Variants in GSTCD observed in about 807,000 individuals in gnomAD.
GSTCD encodes glutathione S-transferase C-terminal domain containing.
A neutral mutation model predicts 68.3 loss-of-function variants in GSTCD; 44 were observed. The observed-to-expected ratio is 0.64, with a 90% CI of 0.51 to 0.83. GSTCD has a LOEUF of 0.83. GSTCD is among the 40% of genes least tolerant of loss of function. GSTCD has a pLI of 0.00. For synonymous variants in GSTCD, 273 were observed against 255.2 expected (o/e 1.07, Z -0.67); for missense variants, 739 against 735.9 (o/e 1.00, Z -0.05).
At chr4:105,773,085 G>A (rs1734918644) in intron 5 of GSTCD, among the ~76,000 whole-genome samples, 1 of 152,110 alleles carries the variant, frequency 6.6e-6, no homozygotes, top group Non-Finnish European at 1.5e-5. Context: ...TTTAGTCCTG[G>A]GAAGGTGTAT....
chr4:105,828,155 A>C (rs2544415), intron 8 of GSTCD, among the ~76,000 whole-genome samples: 2,145 of 152,320 alleles, frequency 0.014, 28 homozygotes, highest in Non-Finnish European at 0.024. Context: ...TCTGTTCATC[A>C]ACATGTATAT....
chr4:105,842,180 T>C (rs780657240), intron 11 of GSTCD, 46 bp downstream of exon 11: 1 of 1,450,390 alleles, frequency 6.9e-7, no homozygotes, highest in Non-Finnish European at 9.7e-7. Flanking sequence ...ATGCACAATA[T>C]GACTGGGAAT....
intron 5 of GSTCD, among the ~76,000 whole-genome samples, chr4:105,793,386 T>G (rs1314000898): frequency 2.0e-5 from 3 of 151,512 alleles, no homozygotes; most frequent in South Asian, 2.1e-4. Flanking sequence ...GCTAATTTTT[T>G]GGGGTGTGAT....
intron 5 of GSTCD, among the ~76,000 whole-genome samples, chr4:105,791,767 G>A (rs1735684441): frequency 7.3e-6 from 1 of 137,210 alleles, no homozygotes; most frequent in Non-Finnish European, 1.6e-5. Flanking sequence ...TAAAACTTTT[G>A]TTGAATGATT....
intron 5 of GSTCD, among the ~76,000 whole-genome samples, chr4:105,808,007 C>T (rs939969887): frequency 1.3e-5 from 2 of 152,052 alleles, no homozygotes; most frequent in African/African-American, 4.8e-5. Flanking sequence ...TCTCTTGATC[C>T]TATGATAATC....
intron 5 of GSTCD, among the ~76,000 whole-genome samples, chr4:105,785,010 CTGCTTT>C (rs1735411144): frequency 6.6e-6 from 1 of 152,220 alleles, no homozygotes; most frequent in African/African-American, 2.4e-5. Context: ...TGGTATGCTA[CTGCTTT>C]TAGGCCTTCT....
chr4:105,747,857 T>A (rs1383357727), intron 5 of GSTCD, among the ~76,000 whole-genome samples: 1 of 148,010 alleles, frequency 6.8e-6, no homozygotes, highest in Non-Finnish European at 1.5e-5. Flanking sequence ...TCTTAACTTT[T>A]AAAAAATTCT....
chr4:105,825,764 A>C lies in GSTCD; in HGVS notation c.1494A>C (p.Ala498=). The change falls in exon 8 of 12, where the codon GCA becomes GCC. Residue 498 remains alanine, a synonymous_variant. Coordinates refer to ENST00000515279, the MANE Select transcript of GSTCD (RefSeq NM_001370181.1). The stretch of plus-strand genomic sequence containing the variant: ...TAAGCAACATTTGGTTCATTCAAGC[A>C]AATATGGAATATTTTACTGGGATGT... ...LGLSNIWFIQ[A]NMEYFTGMFN... The C allele has an allele frequency of 1.3e-6, 2 of 1,547,942 alleles. No individual in the cohort carries two copies. The highest frequency in any genetic ancestry group is 1.8e-6 in the Non-Finnish European group (2 of 1,121,550).
At chr4:105,768,443 T>G (rs1241668844) in intron 5 of GSTCD, among the ~76,000 whole-genome samples, 2 of 152,202 alleles carry the variant, frequency 1.3e-5, no homozygotes, top group African/African-American at 4.8e-5. Flanking sequence ...AAAATTTTCC[T>G]TTAGAATTTG....
intron 5 of GSTCD, among the ~76,000 whole-genome samples, chr4:105,815,502 AT>A (rs554884024): frequency 1.4e-3 from 206 of 152,332 alleles, no homozygotes; most frequent in African/African-American, 4.7e-3. Context: ...ACAAAATAAA[AT>A]ATATGACAAA....
At chr4:105,829,384 G>A (rs1034723351) in intron 8 of GSTCD, among the ~76,000 whole-genome samples, 2 of 152,202 alleles carry the variant, frequency 1.3e-5, no homozygotes, top group African/African-American at 4.8e-5. Context: ...ATAGAGACCT[G>A]TATTAGTCTG....
chr4:105,774,685 C>A (rs1358551983), intron 5 of GSTCD, among the ~76,000 whole-genome samples: 1 of 152,224 alleles, frequency 6.6e-6, no homozygotes, highest in Non-Finnish European at 1.5e-5. Context: ...GGTCCCCACT[C>A]TCTTCTGGCT....
chr4:105,771,189 G>A (rs180921263), intron 5 of GSTCD, among the ~76,000 whole-genome samples: 1 of 151,672 alleles, frequency 6.6e-6, no homozygotes, highest in Non-Finnish European at 1.5e-5. Context: ...AACTGTCCGT[G>A]CATATACTTC....
chr4:105,766,363 C>G (rs900578888), intron 5 of GSTCD, among the ~76,000 whole-genome samples: 5 of 152,174 alleles, frequency 3.3e-5, no homozygotes, highest in Admixed American at 6.5e-5. Context: ...TGACTTCTCC[C>G]TTGCTCCTAC....
At chr4:105,840,506 T>C (rs1215232102) in intron 10 of GSTCD, among the ~76,000 whole-genome samples, 1 of 152,222 alleles carries the variant, frequency 6.6e-6, no homozygotes, top group African/African-American at 2.4e-5. Context: ...AATGGAGGCT[T>C]CAAATTTAAT....
At chr4:105,791,361 C>T (rs1385424546) in intron 5 of GSTCD, among the ~76,000 whole-genome samples, 1 of 148,932 alleles carries the variant, frequency 6.7e-6, no homozygotes, top group African/African-American at 2.5e-5. Context: ...CCACTGCACT[C>T]CAGCCTGGGC....
chr4:105,845,583 GAT>G lies in GSTCD; in HGVS notation c.*9_*10del. The G allele has an allele frequency of 6.2e-7, 1 of 1,613,868 alleles. No homozygotes were observed. Among genetic ancestry groups the G allele is most frequent in the Non-Finnish European group, 8.5e-7 (1 of 1,179,918 alleles). The stretch of plus-strand genomic sequence containing the variant: ...TTGTGGGAGTCCCCATTTAAAATGA[GAT>G]ATTCACATTTGATATTTTGCCATCC... On this transcript the variant is annotated 3_prime_UTR_variant, in exon 12 of 12. Coordinates refer to ENST00000515279, the MANE Select transcript of GSTCD (RefSeq NM_001370181.1).
intron 5 of GSTCD, among the ~76,000 whole-genome samples, chr4:105,803,470 A>T (rs1264238096): frequency 6.6e-6 from 1 of 152,106 alleles, no homozygotes; most frequent in Non-Finnish European, 1.5e-5. Context: ...ATGCTATATT[A>T]TTTATAATTG....
intron 10 of GSTCD, among the ~76,000 whole-genome samples, chr4:105,838,200 G>A (rs1031538829): frequency 6.6e-6 from 1 of 152,210 alleles, no homozygotes; most frequent in African/African-American, 2.4e-5. Flanking sequence ...CATGGCAATA[G>A]TGGTAGCCAC....
Sources: gnomAD v4.1 joint callset for allele counts (sites outside exome capture counted in the v4.1 genomes callset) on GRCh38, gnomAD v4.1.1 for gene constraint, MANE v1.5 for transcripts, NCBI Gene and HGNC (gene_info 2026-07-23, HGNC 2026-07-21) for gene names.